The following MCOLN2 variants were observed in gnomAD, a reference collection of about 807,000 sequenced individuals.
MCOLN2 encodes mucolipin TRP cation channel 2, also known as mucolipin-2.
MCOLN2 carries 57 observed loss-of-function variants against 67.5 expected under a neutral mutation model. That is an observed-to-expected ratio of 0.84 (90% CI 0.68 to 1.05). The LOEUF is 1.05. Ranked by LOEUF, MCOLN2 falls within the 50% of genes least tolerant of loss-of-function variation. MCOLN2 has a pLI of 0.00. For synonymous variants in MCOLN2, 246 were observed against 233.3 expected (o/e 1.05, Z -0.50); for missense variants, 620 against 678.8 (o/e 0.91, Z 0.96).
chr1:84,945,350 GA>G (rs1379579893), intron 7 of MCOLN2, among the ~76,000 whole-genome samples: 13 of 150,940 alleles, frequency 8.6e-5, no homozygotes, highest in Admixed American at 7.9e-4. Context: ...CTTGGACTTA[GA>G]AAATATGCCC....
intron 1 of MCOLN2, 142 bp from the exon 2 acceptor site, chr1:84,965,850 A>G: frequency 1.5e-6 from 1 of 649,924 alleles, no homozygotes; most frequent in Non-Finnish European, 2.4e-6. Context: ...AAAATAAAAA[A>G]GCAACTCTAG....
Position 84,958,514 on chromosome 1 carries a change from C to T in MCOLN2, c.411+15G>A. Reference sequence around the variant, plus strand: ...ACATTGTTAAAGTATAGGTCATTCACAACAAAACACTTGCCTGATTAATAG... The same window carrying T: ...ACATTGTTAAAGTATAGGTCATTCATAACAAAACACTTGCCTGATTAATAG... On this transcript the variant is annotated intron_variant, in intron 3 of 13. Transcript: ENST00000370608. The T allele has an allele frequency of 6.3e-7, 1 of 1,592,248 alleles. No individual in the cohort carries two copies. The highest frequency in any genetic ancestry group is 8.5e-7 in the Non-Finnish European group (1 of 1,174,536).
intron 2 of MCOLN2, 84 bp downstream of exon 2, chr1:84,965,465 G>T: frequency 6.9e-7 from 1 of 1,444,610 alleles, no homozygotes; most frequent in South Asian, 1.4e-5. Flanking sequence ...GGGCTTTTCA[G>T]AACAAAAGTC....
intron 11 of MCOLN2, among the ~76,000 whole-genome samples, chr1:84,932,271 G>A (rs188426268): frequency 2.6e-5 from 4 of 152,184 alleles, no homozygotes; most frequent in Non-Finnish European, 5.9e-5. Flanking sequence ...CTGGAGTGCA[G>A]TGCAATCCCA....
rs956691914 is a variant in MCOLN2 at position 84,956,562 on chromosome 1, G to A, written c.434C>T (p.Thr145Ile). The A allele has an allele frequency of 1.5e-5, 24 of 1,603,936 alleles. No individual in the cohort carries two copies. The highest frequency in any genetic ancestry group is 2.0e-5 in the Non-Finnish European group (24 of 1,177,170). The change falls in exon 4 of 14, where the codon ACC becomes ATC. Residue 145 changes from threonine to isoleucine, a missense_variant. Transcript: ENST00000370608. The part of the protein sequence containing the change: ...INQYHQLKDI[T>I]LGTLGYGENE... ...TTCTCCATAACCAAGGGTCCCCAGG[G>A]TAATGTCCTTTAGCTGATGATACTA...
intron 1 of MCOLN2, among the ~76,000 whole-genome samples, chr1:84,967,832 GGGAAGGAAGAAGGGAGAGAGGGAGGGAA>G (rs1363601813): frequency 7.0e-6 from 1 of 143,768 alleles, no homozygotes; most frequent in Admixed American, 6.9e-5. Context: ...AGTGGAGGGA[GGGAAGGAAGAAGGGAGAGAGGGAGGGAA>G]GGAAGGAAGA....
intron 13 of MCOLN2, among the ~76,000 whole-genome samples, chr1:84,928,683 A>C (rs12118848): frequency 0.18 from 26,765 of 152,108 alleles, 2,899 homozygotes; most frequent in South Asian, 0.3. Context: ...CTCTGAGAAA[A>C]AAAGGTGTGA....
chr1:84,942,869 C>A (rs573516540), intron 7 of MCOLN2, among the ~76,000 whole-genome samples: 1 of 152,172 alleles, frequency 6.6e-6, no homozygotes, highest in East Asian at 1.9e-4. Flanking sequence ...CCATGTGATG[C>A]CCTGCACTGC....
chr1:84,982,218 T>C (rs555837690), intron 1 of MCOLN2, among the ~76,000 whole-genome samples: 1 of 152,286 alleles, frequency 6.6e-6, no homozygotes, highest in Non-Finnish European at 1.5e-5. Context: ...TCTAAATATA[T>C]AGTACCATAA....
intron 2 of MCOLN2, among the ~76,000 whole-genome samples, chr1:84,964,496 A>G (rs1159819106): frequency 1.2e-5 from 1 of 85,480 alleles, no homozygotes; most frequent in South Asian, 4.0e-4. Flanking sequence ...GTAGAAGACA[A>G]TTTTTCCAGG....
intron 1 of MCOLN2, among the ~76,000 whole-genome samples, chr1:84,975,203 C>T (rs1010229932): frequency 6.6e-6 from 1 of 152,108 alleles, no homozygotes; most frequent in Non-Finnish European, 1.5e-5. Context: ...CAGGAAGTAG[C>T]CAGGGAGTAG....
chr1:84,987,560 G>GTATATATA (rs1469966340), intron 1 of MCOLN2, among the ~76,000 whole-genome samples: 1 of 87,618 alleles, frequency 1.1e-5, no homozygotes, highest in Non-Finnish European at 2.2e-5. Context: ...ATACATCTAT[G>GTATATATA]TATACATAGA....
chr1:84,926,910 A>G (rs950205716), intron 13 of MCOLN2, among the ~76,000 whole-genome samples, 189 bp from the exon 14 acceptor site: 1 of 152,172 alleles, frequency 6.6e-6, no homozygotes, highest in Non-Finnish European at 1.5e-5. Context: ...AAATAAGTAA[A>G]TAAATAAATA....
At chr1:84,952,928 A>C (rs894161415) in intron 4 of MCOLN2, among the ~76,000 whole-genome samples, 1 of 152,274 alleles carries the variant, frequency 6.6e-6, no homozygotes, top group African/African-American at 2.4e-5. Context: ...AAAGTTAAAC[A>C]AACAAAAACC....
At chr1:84,930,404 G>A (rs1004522545) in intron 12 of MCOLN2, among the ~76,000 whole-genome samples, 1 of 151,952 alleles carries the variant, frequency 6.6e-6, no homozygotes, top group Non-Finnish European at 1.5e-5. Flanking sequence ...GAAGTTGGTC[G>A]CTTAGTGGAA....
rs188025507 is a variant in MCOLN2 at position 84,982,434 on chromosome 1, A to G, written c.77+14362T>C. ...TTACAGGCAATGAGCCACCATGTCC[A>G]GCCTGGCAATTCATTTTTAATATCC... On this transcript the variant is annotated intron_variant, in intron 1 of 13. Coordinates refer to ENST00000370608, the MANE Select transcript of MCOLN2 (RefSeq NM_153259.4). Among the ~76,000 whole-genome samples, 152 of 152,324 alleles carry G rather than the reference A, an allele frequency of 1.0e-3. 2 individuals carry two copies. The highest frequency in any genetic ancestry group is 1.7e-3 in the Non-Finnish European group (115 of 68,030).
At chr1:84,987,397 TATAG>T (rs1234764864) in intron 1 of MCOLN2, among the ~76,000 whole-genome samples, 1 of 137,048 alleles carries the variant, frequency 7.3e-6, no homozygotes, top group Admixed American at 7.6e-5. Context: ...TACATATGTA[TATAG>T]ATATATTTAT....
chr1:84,930,766 T>G (rs1261424973), intron 12 of MCOLN2, among the ~76,000 whole-genome samples: 1 of 152,106 alleles, frequency 6.6e-6, no homozygotes, highest in Non-Finnish European at 1.5e-5. Flanking sequence ...GAAGCAGGGT[T>G]TTCTAAGCAT....
chr1:84,938,235 C>G (rs1427276578), intron 9 of MCOLN2, among the ~76,000 whole-genome samples, 153 bp from the exon 10 acceptor site: 2 of 151,864 alleles, frequency 1.3e-5, no homozygotes, highest in Non-Finnish European at 2.9e-5. Flanking sequence ...AGAAGAAAAA[C>G]AGATATAATT....
Sources: allele counts gnomAD v4.1 joint callset (sites outside exome capture counted in the v4.1 genomes callset), GRCh38; gene constraint gnomAD v4.1.1; transcripts MANE v1.5; gene names NCBI Gene and HGNC (gene_info 2026-07-23, HGNC 2026-07-21).